The following ESRP1 variants were observed in gnomAD, a reference collection of about 807,000 sequenced individuals.
ESRP1 encodes the protein epithelial splicing regulatory protein 1.
In ESRP1, 33 loss-of-function variants were observed where a neutral mutation model predicts 81.7. The ratio of observed to expected loss-of-function variants is 0.40; its 90% CI spans 0.31 to 0.54. The LOEUF is 0.54. Ranked by LOEUF, ESRP1 falls within the 20% of genes least tolerant of loss-of-function variation. The pLI is 0.41. For synonymous variants in ESRP1, 320 were observed against 303.3 expected, an observed-to-expected ratio of 1.06 and a Z score of -0.57; for missense variants, 672 against 833.1, an observed-to-expected ratio of 0.81 and a Z score of 2.38.
At position 94,655,106 on chromosome 8, in the gene ESRP1, A is replaced by T. The variant is rs573097068; in HGVS notation, c.491-7166A>T. On this transcript the variant is annotated intron_variant, in intron 4 of 15. Transcript: ENST00000433389. ...GTGTGTGTTTTGTTTTGTTTTGTTT[A>T]GTTTTTTTTGATACGGCGTCTCACC... 4.4e-3 allele frequency among the ~76,000 whole-genome samples: 601 copies of T among 138,056 alleles called. 8 individuals are homozygous for T. The South Asian group carries it at 0.048, about 11-fold the overall frequency. 90.6% of individuals were successfully genotyped at this position (138,056 alleles called of 152,430 possible). A position where few individuals can be genotyped will look rare whatever the true frequency, so the allele number is the denominator to read the frequency against.
intron 14 of ESRP1, among the ~76,000 whole-genome samples, chr8:94,696,019 C>T (rs1455448490): frequency 6.6e-6 from 1 of 152,160 alleles, no homozygotes; most frequent in Non-Finnish European, 1.5e-5. Context: ...GCTGCGAATG[C>T]GACATTGCAC....
chr8:94,670,936 T>C (rs1264474119), intron 10 of ESRP1, among the ~76,000 whole-genome samples: 2 of 152,148 alleles, frequency 1.3e-5, no homozygotes, highest in African/African-American at 4.8e-5. Flanking sequence ...TCCAAAGTGA[T>C]TGTTTGGCCT....
Position 94,678,232 on chromosome 8 carries a change from G to A in ESRP1, c.1681G>A (p.Ala561Thr), listed in dbSNP as rs1286929872. 1 of 1,613,824 alleles carries A rather than the reference G, an allele frequency of 6.2e-7. No homozygotes were observed. The highest frequency in any genetic ancestry group is 8.5e-7 in the Non-Finnish European group (1 of 1,179,888). ...GTCTCCTCCCTCCTACACATTTCCA[G>A]CTCCTGCTGCAGTTATTCCTACAGA... The part of the protein sequence containing the change: ...CLSPPSYTFP[A>T]PAAVIPTEAA... The change falls in exon 13 of 16, where the codon GCT becomes ACT. Residue 561 changes from alanine to threonine, a missense_variant. By Grantham distance (58) the Ala-to-Thr change is moderately conservative (BLOSUM62 0). Transcript: ENST00000433389.
chr8:94,687,960 C>T (rs1809207366), intron 13 of ESRP1, among the ~76,000 whole-genome samples: 1 of 151,862 alleles, frequency 6.6e-6, no homozygotes, highest in African/African-American at 2.4e-5. Context: ...GATGTCTAAC[C>T]CAGGGTCACA....
intron 15 of ESRP1, among the ~76,000 whole-genome samples, chr8:94,699,918 G>A (rs573619522): frequency 1.1e-4 from 16 of 150,934 alleles, no homozygotes; most frequent in South Asian, 2.1e-4. Context: ...TTTTTTTACC[G>A]CCTCCTTATC....
chr8:94,655,571 A>G lies in ESRP1; in HGVS notation c.491-6701A>G, dbSNP rs774812204. Among the ~76,000 whole-genome samples, 136 of 152,134 alleles carry G rather than the reference A, an allele frequency of 8.9e-4. No individual in the cohort carries two copies. In the Middle Eastern group the frequency reaches 0.01, roughly 11 times the overall value. On this transcript the variant is annotated intron_variant, in intron 4 of 15. Coordinates refer to ENST00000433389, the MANE Select transcript of ESRP1 (RefSeq NM_017697.4). The stretch of plus-strand genomic sequence containing the variant: ...TTCAAAGCTCACTTTAAAATATATC[A>G]GGTTATATGTAGAACTTACATTTAA...
chr8:94,683,989 A>G (rs1013971974), intron 13 of ESRP1, among the ~76,000 whole-genome samples: 4 of 152,214 alleles, frequency 2.6e-5, no homozygotes, highest in Admixed American at 2.0e-4. Flanking sequence ...CTGGGATTAC[A>G]GGCATGCACC....
chr8:94,692,939 T>C, intron 14 of ESRP1, 112 bp downstream of exon 14: 1 of 1,157,218 alleles, frequency 8.6e-7, no homozygotes, highest in Non-Finnish European at 1.2e-6. Flanking sequence ...TGTGTATATA[T>C]GCTAATGGAT....
In ESRP1 at chr8:94,678,317, C is replaced by T. The variant is rs376569123; in HGVS notation, c.1766C>T (p.Ala589Val). ...LNPRALQPSTAYYPAGTQLFM... is the reference protein window; with the variant it reads ...LNPRALQPSTVYYPAGTQLFM... ...CCACGAGCACTGCAGCCCTCCACAG[C>T]GTACTACCCAGCAGGCACTCAGCTC... is the stretch of plus-strand genomic sequence containing the variant. The change falls in exon 13 of 16, where the codon GCG (alanine) becomes GTG (valine). Residue 589 changes from alanine (A) to valine (V), a missense_variant. Transcript: ENST00000433389. The T allele has an allele frequency of 3.9e-5, 63 of 1,613,990 alleles. No homozygotes were observed. The East Asian group carries it at 7.6e-4, about 19-fold the overall frequency.
At chr8:94,703,799 A>C (rs1809944690) in intron 15 of ESRP1, among the ~76,000 whole-genome samples, 1 of 152,160 alleles carries the variant, frequency 6.6e-6, no homozygotes, top group African/African-American at 2.4e-5. Context: ...GCAGGGCTCT[A>C]ACTGGCCATG....
At chr8:94,701,734 TGTGCCTGGCCAA>T (rs1424233515) in intron 15 of ESRP1, among the ~76,000 whole-genome samples, 1 of 151,940 alleles carries the variant, frequency 6.6e-6, no homozygotes, top group Non-Finnish European at 1.5e-5. Context: ...CATGAGCCAC[TGTGCCTGGCCAA>T]GTTCCAAGTT....
chr8:94,703,873 G>A (rs1250282545), intron 15 of ESRP1, among the ~76,000 whole-genome samples: 1 of 152,158 alleles, frequency 6.6e-6, no homozygotes, highest in Non-Finnish European at 1.5e-5. Flanking sequence ...TAGGTGATGG[G>A]GCAGTTGTTT....
intron 15 of ESRP1, among the ~76,000 whole-genome samples, chr8:94,704,504 T>C (rs6471465): frequency 0.69 from 105,477 of 151,864 alleles, 38,123 homozygotes; most frequent in African/African-American, 0.91. Context: ...TGACTCACAC[T>C]TGTAATCTCA....
chr8:94,706,149 C>T lies in ESRP1; in HGVS notation c.*260C>T. ...AGCATACCTGGCTCTTTGCTGATTG[C>T]AAATAGGCATTTAAAATGTGAATTT... is the stretch of plus-strand genomic sequence containing the variant. On this transcript the variant is annotated 3_prime_UTR_variant, in exon 16 of 16. Coordinates refer to ENST00000433389, the MANE Select transcript of ESRP1 (RefSeq NM_017697.4). 1 of 526,636 alleles carries T rather than the reference C, an allele frequency of 1.9e-6. No homozygotes were observed. The highest frequency in any genetic ancestry group is 3.3e-6 in the Non-Finnish European group (1 of 300,746). 32.6% of individuals were successfully genotyped at this position (526,636 alleles called of 1,614,324 possible). A position where few individuals can be genotyped will look rare whatever the true frequency, so the allele number is the denominator to read the frequency against.
rs1205060009 is a variant in ESRP1 at position 94,678,202 on chromosome 8, G to A, written c.1652-1G>A. ...CAAAGAATCTCTCTTTGCATATCTA[G>A]GCCTGTCTCCTCCCTCCTACACATT... On this transcript the variant is annotated splice_acceptor_variant, in intron 12 of 15. Transcript: ENST00000433389. LOFTEE classifies it high-confidence loss of function. The A allele has an allele frequency of 6.2e-7, 1 of 1,613,690 alleles. No individual in the cohort carries two copies. Among genetic ancestry groups the A allele is most frequent in the East Asian group, 2.2e-5 (1 of 44,882 alleles).
At chr8:94,692,399 A>C (rs1809438858) in intron 13 of ESRP1, among the ~76,000 whole-genome samples, 1 of 152,072 alleles carries the variant, frequency 6.6e-6, no homozygotes, top group African/African-American at 2.4e-5. Context: ...TGGAGTTGAC[A>C]TGAGGCTTAC....
intron 12 of ESRP1, 126 bp downstream of exon 12, chr8:94,674,632 C>A: frequency 1.3e-6 from 1 of 758,784 alleles, no homozygotes; most frequent in South Asian, 2.0e-5. Flanking sequence ...AAGGCTCTCC[C>A]ATCTGTAATC....
At chr8:94,687,173 C>G (rs1191172088) in intron 13 of ESRP1, among the ~76,000 whole-genome samples, 1 of 152,180 alleles carries the variant, frequency 6.6e-6, no homozygotes, top group Non-Finnish European at 1.5e-5. Flanking sequence ...ACTGACCCCT[C>G]TCCCCACCCC....
At chr8:94,697,219 C>T (rs533871754) in intron 15 of ESRP1, among the ~76,000 whole-genome samples, 1 of 152,262 alleles carries the variant, frequency 6.6e-6, no homozygotes, top group African/African-American at 2.4e-5. Context: ...TTTACTATCT[C>T]TCATGTGGAG....
Sources: gnomAD v4.1 joint callset for allele counts (sites outside exome capture counted in the v4.1 genomes callset) on GRCh38, gnomAD v4.1.1 for gene constraint, MANE v1.5 for transcripts, NCBI Gene and HGNC (gene_info 2026-07-23, HGNC 2026-07-21) for gene names.